The following KCNB2 variants were observed in gnomAD, a reference collection of about 807,000 sequenced individuals.
KCNB2 encodes potassium voltage-gated channel subfamily B member 2.
KCNB2 carries 15 observed loss-of-function variants against 61.5 expected under a neutral mutation model. That is an observed-to-expected ratio of 0.24 (90% CI 0.16 to 0.38). The LOEUF (loss-of-function observed/expected upper bound fraction) is 0.38. KCNB2 is among the 10% of genes least tolerant of loss of function. The pLI is 1.00. For synonymous variants in KCNB2, 457 were observed against 446.0 expected (o/e 1.02, Z -0.31); for missense variants, 828 against 1,125.2 (o/e 0.74, Z 3.78).
At chr8:72,900,164 A>T (rs749586310) in intron 2 of KCNB2, among the ~76,000 whole-genome samples, 2 of 152,192 alleles carry the variant, frequency 1.3e-5, no homozygotes, top group African/African-American at 2.4e-5. Flanking sequence ...GAACAATGGA[A>T]CAGAATAGAG....
At chr8:72,561,741 A>T (rs10957606) in intron 1 of KCNB2, among the ~76,000 whole-genome samples, 2 of 26,900 alleles carry the variant, frequency 7.4e-5, no homozygotes, top group Non-Finnish European at 1.2e-4. Flanking sequence ...ATATCTATAT[A>T]TATATGTATA....
At chr8:72,635,294 T>C (rs1805945942) in intron 2 of KCNB2, among the ~76,000 whole-genome samples, 1 of 152,192 alleles carries the variant, frequency 6.6e-6, no homozygotes, top group African/African-American at 2.4e-5. Flanking sequence ...CATCATGTCT[T>C]TCACCTTCCA....
At chr8:72,829,148 A>G (rs553878403) in intron 2 of KCNB2, among the ~76,000 whole-genome samples, 3 of 152,324 alleles carry the variant, frequency 2.0e-5, no homozygotes, top group East Asian at 1.9e-4. Flanking sequence ...TGAGTCAGTA[A>G]TTTATTTTAG....
chr8:72,660,159 A>G (rs1806355442), intron 2 of KCNB2, among the ~76,000 whole-genome samples: 1 of 152,200 alleles, frequency 6.6e-6, no homozygotes, highest in African/African-American at 2.4e-5. Flanking sequence ...GTGGGTGAAA[A>G]GCCTCTTGCT....
intron 2 of KCNB2, among the ~76,000 whole-genome samples, chr8:72,865,461 C>T (rs139074040): frequency 2.6e-3 from 401 of 152,046 alleles, no homozygotes; most frequent in African/African-American, 9.4e-3. Flanking sequence ...TTTGTTTGGC[C>T]GATTTCATGA....
rs1259083924 is a variant in KCNB2 at position 72,703,237 on chromosome 8, A to G, written c.579+134924A>G. ...CCATCAGCTTACACAGAATGTTACAAACACTCCCACTATTGTGAGATAAGA... is the reference window on the plus strand; with the variant it reads ...CCATCAGCTTACACAGAATGTTACAGACACTCCCACTATTGTGAGATAAGA... On this transcript the variant is annotated intron_variant, in intron 2 of 2. Coordinates refer to ENST00000523207, the MANE Select transcript of KCNB2 (RefSeq NM_004770.3). Among the ~76,000 whole-genome samples the G allele has an allele frequency of 3.3e-5, 5 of 152,156 alleles. No homozygotes were observed. In the East Asian group the frequency reaches 9.6e-4, roughly 29 times the overall value.
intron 2 of KCNB2, among the ~76,000 whole-genome samples, chr8:72,703,534 T>A (rs955553582): frequency 6.6e-5 from 10 of 152,314 alleles, no homozygotes; most frequent in Admixed American, 6.5e-4. Context: ...GTACAGTGTG[T>A]CCCATGATCT....
At chr8:72,789,677 T>G (rs1280375695) in intron 2 of KCNB2, among the ~76,000 whole-genome samples, 1 of 152,076 alleles carries the variant, frequency 6.6e-6, no homozygotes, top group Non-Finnish European at 1.5e-5. Flanking sequence ...CTGGAGTTTT[T>G]TGAGCAGGAG....
At chr8:72,928,109 TC>T (rs1806691385) in intron 2 of KCNB2, among the ~76,000 whole-genome samples, 1 of 152,084 alleles carries the variant, frequency 6.6e-6, no homozygotes, top group South Asian at 2.1e-4. Context: ...CTGTTTTTTC[TC>T]CCTCAAGTTT....
At chr8:72,628,438 TGTGTGTGA>T (rs68060041) in intron 2 of KCNB2, among the ~76,000 whole-genome samples, 6,943 of 105,266 alleles carry the variant, frequency 0.066, 370 homozygotes, top group African/African-American at 0.2. Context: ...TGTGTGTGTG[TGTGTGTGA>T]GATGCACTTA....
intron 2 of KCNB2, among the ~76,000 whole-genome samples, chr8:72,821,121 C>A (rs866808120): frequency 1.3e-5 from 2 of 152,096 alleles, no homozygotes; most frequent in Admixed American, 6.6e-5. Context: ...ATCCAATAGA[C>A]AAAAACACAG....
chr8:72,674,080 T>C (rs1806610120), intron 2 of KCNB2, among the ~76,000 whole-genome samples: 1 of 152,200 alleles, frequency 6.6e-6, no homozygotes, highest in Non-Finnish European at 1.5e-5. Context: ...AGCCCTTCTC[T>C]ATTGGAAGAG....
At chr8:72,907,530 A>T (rs1349809573) in intron 2 of KCNB2, among the ~76,000 whole-genome samples, 1 of 152,226 alleles carries the variant, frequency 6.6e-6, no homozygotes, top group Admixed American at 6.5e-5. Context: ...TATGCTCAGC[A>T]GAGCAGATAC....
At chr8:72,572,680 T>C (rs1436580658) in intron 2 of KCNB2, among the ~76,000 whole-genome samples, 1 of 152,064 alleles carries the variant, frequency 6.6e-6, no homozygotes, top group African/African-American at 2.4e-5. Flanking sequence ...GGGGGAATGA[T>C]TGACTAGAGA....
At chr8:72,925,113 G>A (rs1806613341) in intron 2 of KCNB2, among the ~76,000 whole-genome samples, 1 of 152,162 alleles carries the variant, frequency 6.6e-6, no homozygotes, top group African/African-American at 2.4e-5. Flanking sequence ...ATTGCATTAT[G>A]GCTTTTGTTT....
intron 2 of KCNB2, among the ~76,000 whole-genome samples, chr8:72,606,230 A>T (rs1805445048): frequency 1.3e-5 from 2 of 152,186 alleles, no homozygotes; most frequent in African/African-American, 4.8e-5. Flanking sequence ...CACTTCTCAT[A>T]AAATTATTAT....
At chr8:72,622,962 G>T (rs745559240) in intron 2 of KCNB2, among the ~76,000 whole-genome samples, 2 of 152,100 alleles carry the variant, frequency 1.3e-5, no homozygotes, top group African/African-American at 2.4e-5. Context: ...ATCTACTTGA[G>T]CTCAAATTTC....
chr8:72,575,567 T>C (rs1465187793), intron 2 of KCNB2, among the ~76,000 whole-genome samples: 1 of 152,168 alleles, frequency 6.6e-6, no homozygotes, highest in Non-Finnish European at 1.5e-5. Flanking sequence ...GAATATTACA[T>C]ATCACATATA....
chr8:72,718,791 T>C (rs948241576), intron 2 of KCNB2, among the ~76,000 whole-genome samples: 1 of 152,142 alleles, frequency 6.6e-6, no homozygotes, highest in Non-Finnish European at 1.5e-5. Context: ...TGTGCGCATG[T>C]ACCCTAAAGC....
Sources: gnomAD v4.1 joint callset for allele counts (sites outside exome capture counted in the v4.1 genomes callset) on GRCh38, gnomAD v4.1.1 for gene constraint, MANE v1.5 for transcripts, NCBI Gene and HGNC (gene_info 2026-07-23, HGNC 2026-07-21) for gene names.